The following CLIC5 variants were observed in gnomAD, a reference collection of about 807,000 sequenced individuals.
CLIC5 encodes chloride intracellular channel protein 5.
CLIC5 carries 20 observed loss-of-function variants against 24.7 expected under a neutral mutation model. The observed-to-expected ratio is 0.81, with a 90% confidence interval of 0.57 to 1.18. CLIC5 has a LOEUF of 1.18. Among genes scored for constraint, CLIC5 ranks in the 50% most tolerant of loss-of-function variants. The pLI, the probability that CLIC5 is intolerant of heterozygous loss-of-function variation, is 0.00. For missense variants in CLIC5, 341 were observed against 326.1 expected (o/e 1.05, Z -0.35); for synonymous variants, 159 against 135.6 (o/e 1.17, Z -1.20).
chr6:46,109,150 G>T, the CLIC5 span, among the ~76,000 whole-genome samples: 1 of 151,984 alleles, frequency 6.6e-6, no homozygotes, highest in Non-Finnish European at 1.5e-5. Flanking sequence ...TGTCTTTATA[G>T]ATATTTCTAA....
chr6:46,028,832 A>G (rs1383705236), intron 1 of CLIC5, among the ~76,000 whole-genome samples: 1 of 152,222 alleles, frequency 6.6e-6, no homozygotes, highest in African/African-American at 2.4e-5. Context: ...CCATAGTTTC[A>G]TTAGATAGTT....
chr6:45,896,101 C>T (rs147052418), downstream of CLIC5, among the ~76,000 whole-genome samples: 19 of 152,166 alleles, frequency 1.2e-4, no homozygotes, highest in East Asian at 2.7e-3. Flanking sequence ...GTTTATTGCA[C>T]GTGGATGTAG....
At chr6:46,050,714 G>GAGAT (rs150238478) in intron 1 of CLIC5, among the ~76,000 whole-genome samples, 1,566 of 152,296 alleles carry the variant, frequency 0.01, 10 homozygotes, top group Non-Finnish European at 0.017. Flanking sequence ...AGACACTTTT[G>GAGAT]AGATGGCTTA....
At chr6:46,081,894 A>G (rs1762925715), upstream of CLIC5, among the ~76,000 whole-genome samples, 1 of 152,128 alleles carries the variant, frequency 6.6e-6, no homozygotes, top group Non-Finnish European at 1.5e-5. Context: ...TCTTTTTTTC[A>G]TGATCACACA....
At chr6:46,013,216 T>C (rs987733821) in intron 1 of CLIC5, among the ~76,000 whole-genome samples, 3 of 152,228 alleles carry the variant, frequency 2.0e-5, no homozygotes, top group Non-Finnish European at 2.9e-5. Flanking sequence ...CAACCCACCC[T>C]GCCCTGCAGA....
chr6:45,910,728 T>A (rs1256739861), intron 5 of CLIC5, among the ~76,000 whole-genome samples: 1 of 152,140 alleles, frequency 6.6e-6, no homozygotes, highest in African/African-American at 2.4e-5. Context: ...ACTCTTCTAT[T>A]TACTATTTTT....
chr6:45,889,830 T>C (rs542580123), intron 6 of CLIC5, among the ~76,000 whole-genome samples: 1 of 152,324 alleles, frequency 6.6e-6, no homozygotes, highest in South Asian at 2.1e-4. Context: ...TTCAAAGACA[T>C]CTGCAAGGAT....
chr6:46,005,946 G>A (rs1334106446), intron 1 of CLIC5, among the ~76,000 whole-genome samples: 1 of 145,960 alleles, frequency 6.9e-6, no homozygotes, highest in African/African-American at 2.6e-5. Context: ...TTTTGTCATA[G>A]CAGCTCAAAG....
intron 2 of CLIC5, among the ~76,000 whole-genome samples, chr6:45,951,496 C>T (rs1301346662): frequency 2.0e-5 from 3 of 152,168 alleles, no homozygotes; most frequent in Admixed American, 6.5e-5. Context: ...GTGTTTGACA[C>T]GGCTAGGTCC....
At chr6:46,109,050 C>T in the CLIC5 span, among the ~76,000 whole-genome samples, 24 of 152,202 alleles carry the variant, frequency 1.6e-4, no homozygotes, top group East Asian at 3.1e-3. Context: ...TAAATTCTTA[C>T]ATGTCTTAGG....
chr6:46,030,650 A>G (rs1767472812), intron 1 of CLIC5, among the ~76,000 whole-genome samples: 1 of 152,154 alleles, frequency 6.6e-6, no homozygotes, highest in Non-Finnish European at 1.5e-5. Context: ...TTCAGGCTCT[A>G]TAGATTCTGG....
At chr6:45,936,273 C>T (rs992555300) in intron 4 of CLIC5, among the ~76,000 whole-genome samples, 2 of 140,272 alleles carry the variant, frequency 1.4e-5, no homozygotes, top group African/African-American at 2.7e-5. Context: ...GACGTGATCT[C>T]GGCTCACTGC....
chr6:46,060,708 G>A (rs1048615715), intron 1 of CLIC5, among the ~76,000 whole-genome samples: 2 of 151,636 alleles, frequency 1.3e-5, no homozygotes, highest in African/African-American at 4.9e-5. Flanking sequence ...GATCCTACCT[G>A]CCACCCTGGT....
intron 1 of CLIC5, among the ~76,000 whole-genome samples, chr6:45,960,228 G>A (rs139059055): frequency 5.1e-4 from 78 of 152,204 alleles, no homozygotes; most frequent in Non-Finnish European, 8.1e-4. Flanking sequence ...AGTCACTCGC[G>A]GGTACCCAAG....
intron 2 of CLIC5, among the ~76,000 whole-genome samples, chr6:45,950,599 C>T (rs1316166841): frequency 6.6e-6 from 1 of 152,088 alleles, no homozygotes; most frequent in African/African-American, 2.4e-5. Context: ...AAAACTCATA[C>T]ATTTTAAATT....
At chr6:46,041,395 G>T (rs9381416) in intron 1 of CLIC5, among the ~76,000 whole-genome samples, 50,848 of 152,016 alleles carry the variant, frequency 0.33, 8,600 homozygotes, top group East Asian at 0.41. Context: ...TGGTTGAATT[G>T]CAAACTATAC....
At chr6:45,977,434 C>T (rs553825653) in intron 1 of CLIC5, among the ~76,000 whole-genome samples, 41 of 152,304 alleles carry the variant, frequency 2.7e-4, no homozygotes, top group African/African-American at 9.4e-4. Flanking sequence ...GCTACCTTCC[C>T]TCCATCTTTT....
At chr6:45,982,996 A>G (rs1765616359) in intron 1 of CLIC5, among the ~76,000 whole-genome samples, 1 of 152,342 alleles carries the variant, frequency 6.6e-6, no homozygotes, top group East Asian at 1.9e-4. Flanking sequence ...AAGGTGAATT[A>G]CTAAGGCTGG....
At chr6:45,961,870 G>A (rs899716835) in intron 1 of CLIC5, among the ~76,000 whole-genome samples, 4 of 152,050 alleles carry the variant, frequency 2.6e-5, no homozygotes, top group Admixed American at 2.6e-4. Context: ...GTATACATTT[G>A]AGGCTACAGA....
Sources: allele counts gnomAD v4.1 joint callset (sites outside exome capture counted in the v4.1 genomes callset), GRCh38; gene constraint gnomAD v4.1.1; transcripts MANE v1.5; gene names NCBI Gene and HGNC (gene_info 2026-07-23, HGNC 2026-07-21).